Variants in STRADA observed in about 807,000 individuals in gnomAD.
STRADA encodes STE20-related kinase adapter protein alpha.
A neutral mutation model predicts 55.0 loss-of-function variants in STRADA; 26 were observed. The observed-to-expected ratio is 0.47, with a 90% CI of 0.35 to 0.66. The LOEUF is 0.66. Among genes scored for constraint, STRADA ranks in the 30% least tolerant of loss-of-function variants. STRADA has a pLI of 0.01. For missense variants in STRADA, 443 were observed against 549.7 expected (o/e 0.81, Z 1.94); for synonymous variants, 197 against 210.9 (o/e 0.93, Z 0.57).
At position 63,707,262 on chromosome 17, in the gene STRADA, G is replaced by C; in HGVS notation, c.738C>G (p.Pro246=). The change falls in exon 9 of 13, where the codon CCC becomes CCG. Residue 246 remains proline (P), a synonymous_variant. Transcript: ENST00000336174. ...ACACACAGACCTGCTGGAGGACCTC[G>C]GGGCTGAGCCACGGCAGAACCTTGA... ...YSVKVLPWLS[P]EVLQQNLQGY... 6.2e-7 allele frequency: 1 copy of C among 1,614,178 alleles called. No homozygotes were observed.
chr17:63,703,959 T>TAACC (rs2035886409), intron 12 of STRADA, 46 bp downstream of exon 12: 5 of 1,575,546 alleles, frequency 3.2e-6, no homozygotes, highest in Non-Finnish European at 4.3e-6. Context: ...TGTGAGTTGT[T>TAACC]AGAACCAGAA....
chr17:63,703,901 G>C (rs971562368), intron 12 of STRADA, 104 bp downstream of exon 12: 11 of 1,606,848 alleles, frequency 6.8e-6, no homozygotes, highest in East Asian at 4.5e-5. Flanking sequence ...CTTCGGAAGC[G>C]GGGTAGTTTC....
chr17:63,730,614 T>C (rs1005176414), intron 1 of STRADA, among the ~76,000 whole-genome samples: 1 of 151,714 alleles, frequency 6.6e-6, no homozygotes, highest in African/African-American at 2.4e-5. Context: ...TGGAGTGTGG[T>C]GGCGCGATCC....
rs1228869564 is a variant in STRADA, at chr17:63,740,135, CATATATAT to C, written c.-45+1598_-45+1605del. On this transcript the variant is annotated intron_variant, in intron 1 of 12. Coordinates refer to ENST00000336174, the MANE Select transcript of STRADA (RefSeq NM_001003787.4). The stretch of plus-strand genomic sequence containing the variant: ...ATACATACATATATATATACACATA[CATATATAT>C]ATATACACACACACACACACACACA... Among the ~76,000 whole-genome samples the C allele has an allele frequency of 6.2e-3, 335 of 54,214 alleles. 13 individuals are homozygous for C. Among genetic ancestry groups the C allele is most frequent in the African/African-American group, 0.026 (319 of 12,496 alleles). The allele number at this position is 54,214 out of a possible 152,430, so 35.6% of individuals were successfully genotyped here.
chr17:63,703,822 C>A, intron 12 of STRADA, 71 bp from the exon 13 acceptor site: 1 of 1,608,762 alleles, frequency 6.2e-7, no homozygotes, highest in Non-Finnish European at 8.5e-7. Context: ...GGGCAAGGAA[C>A]CATGGCCTGG....
chr17:63,707,973 G>A lies in STRADA; in HGVS notation c.582-555C>T, dbSNP rs552372905. Among the ~76,000 whole-genome samples the A allele has an allele frequency of 6.7e-4, 102 of 151,330 alleles. No individual in the cohort carries two copies. The South Asian group carries it at 0.019, about 28-fold the overall frequency. ...AGGATGGTCTCGATCTCCCGACCTC[G>A]TGATCCACCCGTCTCAGCCTCCCAA... On this transcript the variant is annotated intron_variant, in intron 8 of 12. Coordinates refer to ENST00000336174, the MANE Select transcript of STRADA (RefSeq NM_001003787.4).
At chr17:63,709,205 G>A (rs1475826315) in intron 8 of STRADA, among the ~76,000 whole-genome samples, 6 of 152,190 alleles carry the variant, frequency 3.9e-5, no homozygotes, top group Non-Finnish European at 7.3e-5. Flanking sequence ...CTGTGACCCT[G>A]ACTGGCAGCA....
intron 1 of STRADA, among the ~76,000 whole-genome samples, chr17:63,737,208 C>T (rs1386428533): frequency 2.2e-5 from 3 of 134,764 alleles, no homozygotes; most frequent in African/African-American, 5.7e-5. Context: ...AAGATCATGC[C>T]ACTGCACTCC....
intron 2 of STRADA, chr17:63,727,506 T>C (rs1023105614): frequency 1.3e-5 from 2 of 152,230 alleles, no homozygotes; most frequent in Admixed American, 1.3e-4. Flanking sequence ...ATTGTTCTTA[T>C]ATGCATAAAC....
intron 6 of STRADA, among the ~76,000 whole-genome samples, chr17:63,712,885 C>A (rs888079436): frequency 6.6e-6 from 1 of 151,618 alleles, no homozygotes; most frequent in African/African-American, 2.4e-5. Context: ...CCTATAGTCC[C>A]AGCTACTCGG....
chr17:63,708,191 T>A (rs1267865820), intron 8 of STRADA, among the ~76,000 whole-genome samples: 2 of 149,410 alleles, frequency 1.3e-5, no homozygotes, highest in Non-Finnish European at 3.0e-5. Flanking sequence ...TATAACCAGG[T>A]TTTTTGTTCT....
Position 63,726,675 on chromosome 17 carries a change from G to T in STRADA, c.57C>A (p.Phe19Leu), listed in dbSNP as rs1364545757. 6.2e-7 allele frequency: 1 copy of T among 1,614,012 alleles called. No homozygotes were observed. Among genetic ancestry groups the T allele is most frequent in the Admixed American group, 1.7e-5 (1 of 60,002 alleles). Residue 19 changes from phenylalanine to leucine, a missense_variant, in exon 3 of 13, where the codon TTC becomes TTA. Phe to Leu is a conservative substitution (Grantham distance 22). Transcript: ENST00000336174. The stretch of plus-strand genomic sequence containing the variant: ...CCAAATCTCTTAAGCCCTCAACAAT[G>T]AACTTTTCCGAGACCCACCGCTAAA... ...ERIRRWVSEK[F>L]IVEGLRDLEL...
At chr17:63,738,641 T>C (rs1024188623) in intron 1 of STRADA, among the ~76,000 whole-genome samples, 1 of 151,410 alleles carries the variant, frequency 6.6e-6, no homozygotes, top group Non-Finnish European at 1.5e-5. Context: ...GCAGATCTCC[T>C]GAGCTCCGCA....
intron 4 of STRADA, among the ~76,000 whole-genome samples, chr17:63,716,098 T>TG (rs1352403666): frequency 6.6e-6 from 1 of 150,420 alleles, no homozygotes; most frequent in African/African-American, 2.4e-5. Context: ...GTACGTGGTT[T>TG]TTTTTTTTTT....
chr17:63,735,769 G>C (rs1017160461), intron 1 of STRADA, among the ~76,000 whole-genome samples: 7 of 152,186 alleles, frequency 4.6e-5, no homozygotes, highest in African/African-American at 1.4e-4. Context: ...GAGTATAGTA[G>C]AGGAGACGGC....
rs375618296 is a variant in STRADA at position 63,728,279 on chromosome 17, C to T, written c.36+55G>A. 2.7e-4 allele frequency: 427 copies of T among 1,584,132 alleles called. 2 individuals carry two copies. The highest frequency in any genetic ancestry group is 5.0e-5 in the Non-Finnish European group (58 of 1,156,270). On this transcript the variant is annotated intron_variant, in intron 2 of 12. Transcript: ENST00000336174. ...ACCACCTACAACATCTGCCAAAATA[C>T]ACTGCTTTTCAGAAAACAAAAATAG... is the stretch of plus-strand genomic sequence containing the variant.
chr17:63,707,229 C>G lies in STRADA; in HGVS notation c.753+18G>C. ...TCATGAGTTGGGTAGGGGAGCTCCT[C>G]TGGGCCCACACACAGACCTGCTGGA... On this transcript the variant is annotated intron_variant, in intron 9 of 12. Transcript: ENST00000336174. The G allele has an allele frequency of 6.2e-7, 1 of 1,613,666 alleles. No homozygotes were observed. The highest frequency in any genetic ancestry group is 8.5e-7 in the Non-Finnish European group (1 of 1,179,760).
At chr17:63,717,530 G>A (rs2036978874) in intron 4 of STRADA, among the ~76,000 whole-genome samples, 1 of 151,898 alleles carries the variant, frequency 6.6e-6, no homozygotes, top group Admixed American at 6.6e-5. Context: ...GCCCAGGCTG[G>A]AGTGCAGTAG....
chr17:63,706,756 A>G lies in STRADA; in HGVS notation c.754-17T>C, dbSNP rs769409427. On this transcript the variant is annotated splice_polypyrimidine_tract_variant and intron_variant, in intron 9 of 12. Transcript: ENST00000336174. ...CTGGAGATTCTAAGCCAGAAAAAAA[A>G]GGCCACAGATTACCCCATTTGGTCT... The G allele has an allele frequency of 2.5e-6, 4 of 1,597,446 alleles. No homozygotes were observed. Among genetic ancestry groups the G allele is most frequent in the Non-Finnish European group, 3.4e-6 (4 of 1,165,998 alleles).
Sources: gnomAD v4.1 joint callset for allele counts (sites outside exome capture counted in the v4.1 genomes callset) on GRCh38, gnomAD v4.1.1 for gene constraint, MANE v1.5 for transcripts, NCBI Gene and HGNC (gene_info 2026-07-23, HGNC 2026-07-21) for gene names.